SI: variants seen among roughly 807,000 people sequenced by gnomAD.
SI encodes sucrase-isomaltase.
Under a neutral mutation model 253.3 loss-of-function variants are expected in SI, and 235 were observed. The observed-to-expected ratio is 0.93, with a 90% CI of 0.83 to 1.03. The LOEUF (loss-of-function observed/expected upper bound fraction) is 1.03, where lower values mean the gene tolerates loss of function less well. SI is among the 50% of genes least tolerant of loss of function. The pLI, the probability that SI is intolerant of heterozygous loss-of-function variation, is 0.00. For synonymous variants in SI, 819 were observed against 712.0 expected (o/e 1.15, Z -2.39); for missense variants, 2,442 against 2,211.1 (o/e 1.10, Z -2.09).
the SI span, among the ~76,000 whole-genome samples, chr3:165,089,097 T>TA: frequency 2.0e-5 from 3 of 148,674 alleles, no homozygotes; most frequent in Non-Finnish European, 3.0e-5. Flanking sequence ...CTTTTTTTTT[T>TA]AATTAAATTG....
chr3:165,026,033 C>T (rs973179636), intron 25 of SI, among the ~76,000 whole-genome samples: 39 of 151,242 alleles, frequency 2.6e-4, no homozygotes, highest in Admixed American at 9.3e-4. Flanking sequence ...TTTAAGGACA[C>T]AGAATTACAG....
intron 44 of SI, among the ~76,000 whole-genome samples, chr3:164,989,432 G>A (rs1559978189): frequency 6.8e-6 from 1 of 146,156 alleles, no homozygotes; most frequent in Non-Finnish European, 1.5e-5. Flanking sequence ...AAGAAAGAAA[G>A]AAAGGAAAGA....
At chr3:165,023,513 T>G in intron 26 of SI, 57 bp downstream of exon 26, 1 of 1,141,188 alleles carries the variant, frequency 8.8e-7, no homozygotes, top group Non-Finnish European at 1.3e-6. Context: ...ACAGGATTAT[T>G]CAAAATCTCA....
At chr3:165,072,143 CTAAGA>C (rs1462745972) in intron 3 of SI, among the ~76,000 whole-genome samples, 3 of 151,930 alleles carry the variant, frequency 2.0e-5, no homozygotes, top group Non-Finnish European at 4.4e-5. Context: ...ATATGAAAAC[CTAAGA>C]TAAATCTTTT....
At chr3:165,042,732 T>G (rs1186861310) in intron 17 of SI, among the ~76,000 whole-genome samples, 2 of 152,152 alleles carry the variant, frequency 1.3e-5, no homozygotes, top group East Asian at 3.9e-4. Context: ...ATTACATTGT[T>G]AGAATCCAAG....
intron 18 of SI, among the ~76,000 whole-genome samples, chr3:165,040,585 C>CT (rs1198417920): frequency 6.6e-6 from 1 of 152,008 alleles, no homozygotes; most frequent in Non-Finnish European, 1.5e-5. Flanking sequence ...CACAATTTCC[C>CT]TTTTTTGTAA....
At chr3:165,006,540 C>G (rs898362627) in intron 37 of SI, among the ~76,000 whole-genome samples, 4 of 151,856 alleles carry the variant, frequency 2.6e-5, no homozygotes, top group Non-Finnish European at 5.9e-5. Context: ...TACAATTGGC[C>G]AGGCACTATG....
Position 165,021,376 on chromosome 3 carries a change from T to C in SI, c.3107A>G (p.Asp1036Gly), listed in dbSNP as rs1553772633. 2 of 1,609,754 alleles carry C rather than the reference T, an allele frequency of 1.2e-6. No individual in the cohort carries two copies. Among genetic ancestry groups the C allele is most frequent in the Non-Finnish European group, 1.7e-6 (2 of 1,176,800 alleles). ...TACTTCATATCTCTTCTTTTGGGGA[T>C]CATAAATCTATTGCAGATAAGTAGT... ...KNDMLQFKIY[D>G]PQKKRYEVPV... The change falls in exon 27 of 48, where the codon GAT becomes GGT. Residue 1036 changes from aspartate (D) to glycine (G), a missense_variant. Asp to Gly is a moderately conservative substitution (Grantham distance 94). Coordinates refer to ENST00000264382, the MANE Select transcript of SI (RefSeq NM_001041.4).
At chr3:164,987,113 T>A in intron 45 of SI, 25 bp downstream of exon 45, 1 of 1,538,334 alleles carries the variant, frequency 6.5e-7, no homozygotes, top group East Asian at 2.3e-5. Context: ...ATCAATTAAA[T>A]TTATCTACTA....
At chr3:165,028,380 A>G (rs1207424225) in intron 25 of SI, among the ~76,000 whole-genome samples, 1 of 151,364 alleles carries the variant, frequency 6.6e-6, no homozygotes, top group African/African-American at 2.4e-5. Context: ...CAATATACAG[A>G]TTCAATGCAA....
At chr3:164,983,157 A>C in intron 45 of SI, 106 bp from the exon 46 acceptor site, 1 of 1,079,236 alleles carries the variant, frequency 9.3e-7, no homozygotes, top group Non-Finnish European at 1.3e-6. Flanking sequence ...AGTAGCAAAT[A>C]TTATCAAGAT....
chr3:165,063,927 G>A (rs1714098769), intron 7 of SI, among the ~76,000 whole-genome samples: 1 of 150,830 alleles, frequency 6.6e-6, no homozygotes, highest in African/African-American at 2.4e-5. Flanking sequence ...AAAATTAGCT[G>A]GGGGTGGTGA....
intron 45 of SI, among the ~76,000 whole-genome samples, chr3:164,985,016 A>T (rs2108113263): frequency 6.6e-6 from 1 of 152,302 alleles, no homozygotes; most frequent in East Asian, 1.9e-4. Flanking sequence ...AAACATAACA[A>T]AATAAGTAGA....
At chr3:165,080,337 A>T (rs1715264410), upstream of SI, among the ~76,000 whole-genome samples, 1 of 152,024 alleles carries the variant, frequency 6.6e-6, no homozygotes, top group African/African-American at 2.4e-5. Context: ...TCAAGTTTTA[A>T]CTAGTCCTCC....
chr3:164,992,315 G>C lies in SI; in HGVS notation c.4924C>G (p.Pro1642Ala). The C allele has an allele frequency of 6.2e-7, 1 of 1,612,978 alleles. No homozygotes were observed. Among genetic ancestry groups the C allele is most frequent in the Non-Finnish European group, 8.5e-7 (1 of 1,179,174 alleles). ...PAFMVTPVLE[P>A]YVQTVNAYVP... The stretch of plus-strand genomic sequence containing the variant: ...CAAAAATATGTGGTAGGACTTACAG[G>C]TTCCAGTACTGGGGTAACCATAAAT... Residue 1642 changes from proline (P) to alanine (A), a missense_variant and splice_region_variant, in exon 42 of 48, where the codon CCT (proline) becomes GCT (alanine). Transcript: ENST00000264382.
rs1428042301 is a variant in SI at position 165,023,590 on chromosome 3, T to C, written c.3079A>G (p.Asn1027Asp). The C allele has an allele frequency of 6.2e-7, 1 of 1,610,162 alleles. No homozygotes were observed. Among genetic ancestry groups the C allele is most frequent in the Non-Finnish European group, 8.5e-7 (1 of 1,177,470 alleles). Reference protein sequence around the residue: ...TLRVEVKYHKNDMLQFKIYDP... With the variant: ...TLRVEVKYHKDDMLQFKIYDP... ...CATACCTTAAACTGCAACATATCAT[T>C]TTTGTGATATTTCACCTCCACACGA... The change falls in exon 26 of 48, where the codon AAT becomes GAT. Residue 1027 changes from asparagine (N) to aspartate (D), a missense_variant. Transcript: ENST00000264382.
chr3:165,041,158 G>A (rs1434838683), intron 17 of SI, 64 bp from the exon 18 acceptor site: 49 of 1,459,152 alleles, frequency 3.4e-5, no homozygotes, highest in Non-Finnish European at 4.3e-5. Context: ...TAAAGTAGAA[G>A]CATTTTAATC....
At chr3:165,012,951 A>G in intron 34 of SI, 29 bp downstream of exon 34, 4 of 1,376,028 alleles carry the variant, frequency 2.9e-6, no homozygotes, top group Non-Finnish European at 4.2e-6. Context: ...ATTTCTTCTC[A>G]TTGTATAGTT....
At chr3:165,080,346 C>A (rs1408906577), upstream of SI, among the ~76,000 whole-genome samples, 1 of 151,914 alleles carries the variant, frequency 6.6e-6, no homozygotes, top group Non-Finnish European at 1.5e-5. Flanking sequence ...AACTAGTCCT[C>A]CTTTACATGT....
Sources: allele counts gnomAD v4.1 joint callset (sites outside exome capture counted in the v4.1 genomes callset), GRCh38; gene constraint gnomAD v4.1.1; transcripts MANE v1.5; gene names NCBI Gene and HGNC (gene_info 2026-07-23, HGNC 2026-07-21).